Variants in MTFMT observed in about 807,000 individuals in gnomAD.
MTFMT encodes mitochondrial methionyl-tRNA formyltransferase, also known as methionyl-tRNA formyltransferase, mitochondrial.
MTFMT carries 47 observed loss-of-function variants against 51.8 expected under a neutral mutation model. The ratio of observed to expected loss-of-function variants is 0.91; its 90% CI spans 0.72 to 1.16. The LOEUF is 1.16. MTFMT is among the 50% of genes most tolerant of loss of function. The pLI is 0.00. For missense variants in MTFMT, 512 were observed against 482.3 expected, an observed-to-expected ratio of 1.06 and a Z score of -0.58; for synonymous variants, 196 against 176.7, an observed-to-expected ratio of 1.11 and a Z score of -0.87.
At position 65,029,586 on chromosome 15, in the gene MTFMT, C is replaced by A; in HGVS notation, c.28G>T (p.Gly10Cys). The A allele has an allele frequency of 2.7e-6, 4 of 1,476,696 alleles. No homozygotes were observed. Among genetic ancestry groups the A allele is most frequent in the East Asian group, 2.9e-5 (1 of 34,660 alleles). 91.5% of individuals were successfully genotyped at this position (1,476,696 alleles called of 1,614,324 possible). ...CTGGCGCCATGAGCCAGCGGAGGAC[C>A]CCAACAGCGCCGCACCAACACCCTC... is the stretch of plus-strand genomic sequence containing the variant. MRVLVRRCW[G>C]PPLAHGARRG... Residue 10 changes from glycine to cysteine, a missense_variant, in exon 1 of 9, where the codon GGT (glycine) becomes TGT (cysteine). Physicochemically the swap from Gly to Cys is radical, Grantham distance 159 (BLOSUM62 -3). Transcript: ENST00000220058.
At chr15:65,020,631 A>G (rs2086366490) in intron 4 of MTFMT, among the ~76,000 whole-genome samples, 2 of 152,144 alleles carry the variant, frequency 1.3e-5, no homozygotes. Context: ...CTCTCACCCC[A>G]TGGGGGCCAA....
Position 65,001,904 on chromosome 15 carries a change from T to C in MTFMT, c.*1158A>G, listed in dbSNP as rs1335089237. 1 of 151,934 alleles carries C rather than the reference T, an allele frequency of 6.6e-6. No individual in the cohort carries two copies. Among genetic ancestry groups the C allele is most frequent in the East Asian group, 1.9e-4 (1 of 5,200 alleles). 9.4% of individuals were successfully genotyped at this position (151,934 alleles called of 1,614,324 possible). On this transcript the variant is annotated 3_prime_UTR_variant, in exon 9 of 9. Transcript: ENST00000220058. ...AAAAAAATAAAATCTGGATGTAAAA[T>C]GTTAATTTATAGTACAGATCAATGT... is the stretch of plus-strand genomic sequence containing the variant.
intron 6 of MTFMT, among the ~76,000 whole-genome samples, chr15:65,013,818 T>C (rs1161510371): frequency 6.6e-6 from 1 of 151,998 alleles, no homozygotes; most frequent in African/African-American, 2.4e-5. Context: ...TGGTGCTGCA[T>C]GCCTGTAATC....
At chr15:65,028,115 G>A (rs1325987298) in intron 1 of MTFMT, among the ~76,000 whole-genome samples, 1 of 152,154 alleles carries the variant, frequency 6.6e-6, no homozygotes, top group Admixed American at 6.5e-5. Flanking sequence ...GCCAAGTGAA[G>A]CATCATCAGA....
At chr15:65,023,589 C>A (rs2086393842) in intron 3 of MTFMT, 83 bp downstream of exon 3, 1 of 1,343,742 alleles carries the variant, frequency 7.4e-7, no homozygotes, top group Non-Finnish European at 1.1e-6. Context: ...GTGAGCACCA[C>A]CCATTCATCC....
chr15:65,023,583 G>T, intron 3 of MTFMT, 89 bp downstream of exon 3: 1 of 1,278,116 alleles, frequency 7.8e-7, no homozygotes, highest in Non-Finnish European at 1.1e-6. Flanking sequence ...AAATTAGTGA[G>T]CACCACCCAT....
chr15:65,003,464 C>T (rs964966729), intron 8 of MTFMT, among the ~76,000 whole-genome samples: 2 of 152,074 alleles, frequency 1.3e-5, no homozygotes, highest in Non-Finnish European at 2.9e-5. Context: ...GTTTTTGACA[C>T]TGAAATTAAA....
chr15:65,007,055 C>T (rs933685858), intron 6 of MTFMT, among the ~76,000 whole-genome samples: 8 of 152,146 alleles, frequency 5.3e-5, no homozygotes, highest in African/African-American at 1.4e-4. Context: ...AGACTAAGGG[C>T]CCGCATGAGC....
At chr15:65,012,893 T>C (rs1018207825) in intron 6 of MTFMT, among the ~76,000 whole-genome samples, 6 of 152,152 alleles carry the variant, frequency 3.9e-5, no homozygotes, top group Non-Finnish European at 5.9e-5. Flanking sequence ...AAGAAGCCAA[T>C]TGGGATTTTT....
At chr15:65,016,393 G>T in intron 6 of MTFMT, 43 bp downstream of exon 6, 1 of 1,237,134 alleles carries the variant, frequency 8.1e-7, no homozygotes, top group South Asian at 1.4e-5. Flanking sequence ...TACACACATA[G>T]AAAACCAACT....
chr15:65,003,051 C>T lies in MTFMT; in HGVS notation c.*11G>A, dbSNP rs374370833. The T allele has an allele frequency of 5.5e-6, 8 of 1,456,488 alleles. No homozygotes were observed. Among genetic ancestry groups the T allele is most frequent in the Non-Finnish European group, 7.3e-6 (8 of 1,092,650 alleles). 90.2% of individuals were successfully genotyped at this position (1,456,488 alleles called of 1,614,324 possible). A position where few individuals can be genotyped will look rare whatever the true frequency, so the allele number is the denominator to read the frequency against. On this transcript the variant is annotated 3_prime_UTR_variant, in exon 9 of 9. Transcript: ENST00000220058. Reference sequence around the variant, plus strand: ...AAATATGTAATAGGTTTTTATCCATCTTCTTCCTAACTACTCAATGCATTG... The same window carrying T: ...AAATATGTAATAGGTTTTTATCCATTTTCTTCCTAACTACTCAATGCATTG...
chr15:65,006,671 C>T (rs2086222668), intron 6 of MTFMT, among the ~76,000 whole-genome samples: 1 of 151,976 alleles, frequency 6.6e-6, no homozygotes. Context: ...CCACCGCGCC[C>T]GGCCGATTTA....
intron 6 of MTFMT, among the ~76,000 whole-genome samples, chr15:65,010,061 A>G (rs952073404): frequency 9.2e-5 from 14 of 152,056 alleles, no homozygotes; most frequent in Admixed American, 3.9e-4. Flanking sequence ...TCTGATGTCA[A>G]TCCTACTCAA....
Position 65,006,211 on chromosome 15 carries a change from A to C in MTFMT, c.814-20T>G, listed in dbSNP as rs1337296316. ...CGGAATCTGCAAGTAAAATTAAAGAAGGTATGATAAAGGAATACACTCAAC... is the reference window on the plus strand; with the variant it reads ...CGGAATCTGCAAGTAAAATTAAAGACGGTATGATAAAGGAATACACTCAAC... On this transcript the variant is annotated intron_variant, in intron 6 of 8. Coordinates refer to ENST00000220058, the MANE Select transcript of MTFMT (RefSeq NM_139242.4). 1 of 1,598,476 alleles carries C rather than the reference A, an allele frequency of 6.3e-7. No individual in the cohort carries two copies. Among genetic ancestry groups the C allele is most frequent in the Non-Finnish European group, 8.6e-7 (1 of 1,168,222 alleles).
chr15:65,014,715 T>C (rs1313708720), intron 6 of MTFMT, among the ~76,000 whole-genome samples: 1 of 150,890 alleles, frequency 6.6e-6, no homozygotes, highest in Non-Finnish European at 1.5e-5. Flanking sequence ...GCAACCTCTG[T>C]CTCCTAGGTT....
chr15:65,003,798 G>GTGAGC (rs949000319), intron 8 of MTFMT, among the ~76,000 whole-genome samples: 2 of 126,798 alleles, frequency 1.6e-5, no homozygotes, highest in Non-Finnish European at 3.2e-5. Flanking sequence ...GGAGGTTGCA[G>GTGAGC]TGAGCTGAGA....
At chr15:65,010,468 G>A (rs2086255001) in intron 6 of MTFMT, among the ~76,000 whole-genome samples, 1 of 152,128 alleles carries the variant, frequency 6.6e-6, no homozygotes, top group Non-Finnish European at 1.5e-5. Context: ...AACATATGTA[G>A]TCTGTTGTGA....
intron 8 of MTFMT, 109 bp from the exon 9 acceptor site, chr15:65,003,365 C>G: frequency 1.2e-6 from 1 of 815,662 alleles, no homozygotes; most frequent in Non-Finnish European, 1.9e-6. Context: ...ACCAACAAAT[C>G]TTTACTAAAT....
intron 3 of MTFMT, among the ~76,000 whole-genome samples, chr15:65,021,871 T>C (rs2086376746): frequency 6.6e-6 from 1 of 152,202 alleles, no homozygotes; most frequent in Non-Finnish European, 1.5e-5. Flanking sequence ...TGTTAGACAT[T>C]AGCAAGGAAG....
Sources: allele counts gnomAD v4.1 joint callset (sites outside exome capture counted in the v4.1 genomes callset), GRCh38; gene constraint gnomAD v4.1.1; transcripts MANE v1.5; gene names NCBI Gene and HGNC (gene_info 2026-07-23, HGNC 2026-07-21).